The following NRXN3 variants were observed in gnomAD, a reference collection of about 807,000 sequenced individuals.
NRXN3 encodes neurexin III.
NRXN3 carries 32 observed loss-of-function variants against 137.6 expected under a neutral mutation model. The observed-to-expected ratio is 0.23, with a 90% confidence interval of 0.18 to 0.31. The LOEUF (loss-of-function observed/expected upper bound fraction) is 0.31, where lower values mean the gene tolerates loss of function less well. NRXN3 is among the 10% of genes least tolerant of loss of function. The probability of loss-of-function intolerance (pLI) is 1.00; values close to 1 mark genes in which losing one functional copy is unlikely to be tolerated. For synonymous variants in NRXN3, 798 were observed against 784.5 expected (o/e 1.02, Z -0.29); for missense variants, 1,574 against 2,062.5 (o/e 0.76, Z 4.59).
At position 79,376,212 on chromosome 14, in the gene NRXN3, A is replaced by G. The variant is rs367761390; in HGVS notation, c.3263-91009A>G. ...TACATGTGGGTGTGTGTGTGTGTGT[A>G]TGTATATATATATATATATATATAT... On this transcript the variant is annotated intron_variant, in intron 15 of 20. Transcript: ENST00000335750. Among the ~76,000 whole-genome samples, 358 of 24,992 alleles carry G rather than the reference A, an allele frequency of 0.014. 5 individuals are homozygous for G. In the Middle Eastern group the frequency reaches 0.15, roughly 10 times the overall value. The allele number at this position is 24,992 out of a possible 152,430, so 16.4% of individuals were successfully genotyped here.
intron 4 of NRXN3, among the ~76,000 whole-genome samples, chr14:78,533,776 A>C (rs562576056): frequency 3.9e-5 from 6 of 152,282 alleles, no homozygotes; most frequent in African/African-American, 1.2e-4. Context: ...ATCCGTTACC[A>C]AGGTTGAAGC....
chr14:79,867,505 C>G lies in NRXN3; in HGVS notation c.*5541C>G, dbSNP rs60394907. On this transcript the variant is annotated 3_prime_UTR_variant, in exon 21 of 21. Transcript: ENST00000335750. ...CACTGAGAGATTTCTTTTTCTTGCTCTTCTTATAAGACCACCAGTGCTATT... is the reference window on the plus strand; with the variant it reads ...CACTGAGAGATTTCTTTTTCTTGCTGTTCTTATAAGACCACCAGTGCTATT... 2.0e-5 allele frequency: 3 copies of G among 152,080 alleles called. No homozygotes were observed. The highest frequency in any genetic ancestry group is 2.9e-5 in the Non-Finnish European group (2 of 68,038). The allele number at this position is 152,080 out of a possible 1,614,324, so 9.4% of individuals were successfully genotyped here.
intron 4 of NRXN3, among the ~76,000 whole-genome samples, chr14:78,335,771 A>T (rs2153576035): frequency 6.6e-6 from 1 of 152,230 alleles, no homozygotes. Context: ...TCAGAGACCG[A>T]AGCACTCTCT....
intron 15 of NRXN3, among the ~76,000 whole-genome samples, chr14:79,148,814 A>C (rs926091001): frequency 2.0e-5 from 3 of 152,044 alleles, no homozygotes; most frequent in Non-Finnish European, 4.4e-5. Context: ...ATTTCTTAGC[A>C]TTCTTCTCCT....
chr14:78,801,855 C>T (rs1199152807), intron 8 of NRXN3, among the ~76,000 whole-genome samples: 3 of 152,214 alleles, frequency 2.0e-5, no homozygotes, highest in Non-Finnish European at 4.4e-5. Flanking sequence ...TTGCCTTCAT[C>T]CTTCAGCTTC....
At chr14:78,288,365 G>T (rs574325244) in intron 3 of NRXN3, among the ~76,000 whole-genome samples, 51 of 152,300 alleles carry the variant, frequency 3.3e-4, no homozygotes, top group East Asian at 5.8e-4. Flanking sequence ...AGTATTAATT[G>T]AACTTAATGT....
At chr14:78,528,504 T>C (rs79744478) in intron 4 of NRXN3, among the ~76,000 whole-genome samples, 1 of 152,164 alleles carries the variant, frequency 6.6e-6, no homozygotes, top group Non-Finnish European at 1.5e-5. Context: ...CAGGATATCA[T>C]TGTCCCCATT....
chr14:79,215,495 C>T (rs1159672268), intron 15 of NRXN3, among the ~76,000 whole-genome samples: 1 of 152,132 alleles, frequency 6.6e-6, no homozygotes, highest in African/African-American at 2.4e-5. Flanking sequence ...CTCACAATTT[C>T]ATGTGGCTGG....
At chr14:78,437,050 T>C (rs2094092636) in intron 4 of NRXN3, among the ~76,000 whole-genome samples, 1 of 152,182 alleles carries the variant, frequency 6.6e-6, no homozygotes, top group African/African-American at 2.4e-5. Context: ...GTTTCCTCAT[T>C]TGGAAAATGG....
At chr14:79,801,333 C>T (rs1340722530) in intron 19 of NRXN3, among the ~76,000 whole-genome samples, 2 of 152,082 alleles carry the variant, frequency 1.3e-5, no homozygotes, top group South Asian at 2.1e-4. Flanking sequence ...AGTATGTGTA[C>T]CATAAAATGG....
intron 15 of NRXN3, among the ~76,000 whole-genome samples, chr14:79,440,051 T>C (rs1476808264): frequency 6.6e-6 from 1 of 152,200 alleles, no homozygotes; most frequent in Non-Finnish European, 1.5e-5. Flanking sequence ...GAGCTATGCA[T>C]TTACTGCTAA....
Position 78,520,885 on chromosome 14 carries a change from G to A in NRXN3, c.758-124235G>A, listed in dbSNP as rs10141130. ...GACCCTAGGGGGCAGAGGAGGTACA[G>A]GCATTAATATTATGGTGCTGAGAAG... On this transcript the variant is annotated intron_variant, in intron 4 of 20. Coordinates refer to ENST00000335750, the MANE Select transcript of NRXN3 (RefSeq NM_001330195.2). 9.5e-3 allele frequency among the ~76,000 whole-genome samples: 1,444 copies of A among 152,238 alleles called. 25 individuals are homozygous for A. The highest frequency in any genetic ancestry group is 0.033 in the African/African-American group (1,362 of 41,534).
At chr14:78,200,558 T>G (rs1020454810) in intron 1 of NRXN3, among the ~76,000 whole-genome samples, 1 of 152,230 alleles carries the variant, frequency 6.6e-6, no homozygotes, top group Non-Finnish European at 1.5e-5. Flanking sequence ...GTGATTCTGA[T>G]GCACATGGTT....
At chr14:78,618,258 CTT>C (rs79670263) in intron 4 of NRXN3, among the ~76,000 whole-genome samples, 98 of 142,312 alleles carry the variant, frequency 6.9e-4, no homozygotes, top group Non-Finnish European at 7.9e-4. Flanking sequence ...TGTGCTATAC[CTT>C]TTTTTTTTTT....
At chr14:78,657,960 C>T (rs747157081) in intron 6 of NRXN3, among the ~76,000 whole-genome samples, 5 of 152,068 alleles carry the variant, frequency 3.3e-5, no homozygotes, top group Non-Finnish European at 7.3e-5. Flanking sequence ...CCTCTTTCTT[C>T]CTTACTCATT....
At chr14:79,018,865 G>A (rs1024878661) in intron 15 of NRXN3, among the ~76,000 whole-genome samples, 15 of 152,110 alleles carry the variant, frequency 9.9e-5, no homozygotes, top group African/African-American at 3.6e-4. Context: ...CCAAGTTACT[G>A]AGCACCCCTG....
At chr14:79,677,935 C>T (rs1296045057) in intron 17 of NRXN3, among the ~76,000 whole-genome samples, 1 of 152,146 alleles carries the variant, frequency 6.6e-6, no homozygotes, top group Non-Finnish European at 1.5e-5. Context: ...TTGATGAACA[C>T]ATAGGCCAAA....
intron 15 of NRXN3, among the ~76,000 whole-genome samples, chr14:79,259,289 A>G (rs558144302): frequency 6.6e-6 from 1 of 152,312 alleles, no homozygotes; most frequent in African/African-American, 2.4e-5. Flanking sequence ...GTTTACAGCT[A>G]TGAAAGAGGA....
intron 4 of NRXN3, among the ~76,000 whole-genome samples, chr14:78,514,403 TA>T (rs578139706): frequency 2.6e-4 from 39 of 152,188 alleles, no homozygotes; most frequent in African/African-American, 7.5e-4. Context: ...ATCAGAGGCA[TA>T]AATATGCAAG....
Sources: gnomAD v4.1 joint callset for allele counts (sites outside exome capture counted in the v4.1 genomes callset) on GRCh38, gnomAD v4.1.1 for gene constraint, MANE v1.5 for transcripts, NCBI Gene and HGNC (gene_info 2026-07-23, HGNC 2026-07-21) for gene names.